MIR2052HG: variants seen among roughly 807,000 people sequenced by gnomAD.
The protein encoded by MIR2052HG is MIR2052 host gene.
intron 2 of MIR2052HG, among the ~76,000 whole-genome samples, chr8:74,672,117 A>C (rs1040775067): frequency 4.6e-5 from 7 of 152,150 alleles, no homozygotes; most frequent in Admixed American, 3.3e-4. Context: ...TGCTTTATCC[A>C]CATATTATTA....
chr8:74,615,958 C>A (rs897211167), intron 2 of MIR2052HG, among the ~76,000 whole-genome samples: 3 of 152,154 alleles, frequency 2.0e-5, no homozygotes, highest in Non-Finnish European at 4.4e-5. Flanking sequence ...TTTTTTATGG[C>A]TGCATAGTAT....
At chr8:74,691,147 A>G (rs11987450) in intron 2 of MIR2052HG, among the ~76,000 whole-genome samples, 2,549 of 152,334 alleles carry the variant, frequency 0.017, 75 homozygotes, top group African/African-American at 0.059. Context: ...CAAAAGAAGC[A>G]GTTAATTCTG....
intron 2 of MIR2052HG, among the ~76,000 whole-genome samples, chr8:74,699,105 A>C (rs923534390): frequency 3.9e-5 from 6 of 151,966 alleles, no homozygotes; most frequent in African/African-American, 1.4e-4. Context: ...AAAGCAAAAA[A>C]TAATAGATGT....
rs114461075 is a variant in MIR2052HG at position 74,688,591 on chromosome 8, T to C, written n.217-13788T>C. Among the ~76,000 whole-genome samples the C allele has an allele frequency of 6.0e-3, 908 of 152,352 alleles. 11 individuals are homozygous for C. Among genetic ancestry groups the C allele is most frequent in the African/African-American group, 0.02 (837 of 41,592 alleles). ...AGATGCTGCACAAATATGGACAACA[T>C]TCTGTAGCAAAGCTAAGTACACGTT... On this transcript the variant is annotated intron_variant and non_coding_transcript_variant, in intron 2 of 6. Transcript: ENST00000523442.
intron 2 of MIR2052HG, among the ~76,000 whole-genome samples, chr8:74,693,135 T>A (rs1412480113): frequency 2.0e-5 from 3 of 152,332 alleles, no homozygotes; most frequent in African/African-American, 7.2e-5. Context: ...AACTCAATGT[T>A]TCTATGTTTT....
chr8:74,624,448 C>T (rs1198456496), intron 2 of MIR2052HG, among the ~76,000 whole-genome samples: 1 of 152,182 alleles, frequency 6.6e-6, no homozygotes, highest in African/African-American at 2.4e-5. Context: ...TGAAATGAAG[C>T]ATTTGCTTAT....
chr8:74,648,995 T>G (rs1017047936), intron 2 of MIR2052HG, among the ~76,000 whole-genome samples: 4 of 151,958 alleles, frequency 2.6e-5, no homozygotes, highest in Admixed American at 2.0e-4. Flanking sequence ...CATCTGGATC[T>G]CTGAAATTGT....
chr8:74,745,785 C>T (rs2128756191), intron 4 of MIR2052HG, among the ~76,000 whole-genome samples: 1 of 152,238 alleles, frequency 6.6e-6, no homozygotes. Flanking sequence ...CAGCAAACAT[C>T]CGTGGGTACA....
At chr8:74,608,359 G>T (rs1808143216) in intron 1 of MIR2052HG, among the ~76,000 whole-genome samples, 2 of 152,138 alleles carry the variant, frequency 1.3e-5, no homozygotes, top group Admixed American at 6.5e-5. Flanking sequence ...TTTTTAAATT[G>T]TAACTCTTTT....
At chr8:74,621,929 C>A (rs775288763) in intron 2 of MIR2052HG, among the ~76,000 whole-genome samples, 30 of 152,172 alleles carry the variant, frequency 2.0e-4, no homozygotes, top group South Asian at 8.3e-4. Flanking sequence ...AAATGTAAGG[C>A]CTGTAACTAT....
intron 4 of MIR2052HG, among the ~76,000 whole-genome samples, chr8:74,713,315 C>G (rs1809488670): frequency 1.3e-5 from 2 of 152,128 alleles, no homozygotes; most frequent in African/African-American, 4.8e-5. Context: ...TGGCCCCTTC[C>G]ACTCTTATCC....
At chr8:74,684,115 A>G (rs1368390147) in intron 2 of MIR2052HG, among the ~76,000 whole-genome samples, 3 of 152,132 alleles carry the variant, frequency 2.0e-5, no homozygotes, top group Admixed American at 2.0e-4. Flanking sequence ...TCCTTGAGCT[A>G]TGTAAGCAGT....
intron 2 of MIR2052HG, among the ~76,000 whole-genome samples, chr8:74,675,929 T>G (rs1196119929): frequency 6.6e-6 from 1 of 152,016 alleles, no homozygotes; most frequent in East Asian, 1.9e-4. Context: ...AATGTATTAA[T>G]TTGTTAATTA....
chr8:74,658,635 G>A (rs1226026531), intron 2 of MIR2052HG, among the ~76,000 whole-genome samples: 2 of 152,042 alleles, frequency 1.3e-5, no homozygotes, highest in African/African-American at 2.4e-5. Flanking sequence ...ATCTGCCCAC[G>A]TCAGCTTCCC....
chr8:74,693,748 G>A (rs1055580874), intron 2 of MIR2052HG, among the ~76,000 whole-genome samples: 3 of 151,874 alleles, frequency 2.0e-5, no homozygotes, highest in African/African-American at 7.3e-5. Flanking sequence ...TAATCCCCCT[G>A]AAAACATAAC....
intron 2 of MIR2052HG, among the ~76,000 whole-genome samples, chr8:74,665,688 T>A (rs1426173029): frequency 2.6e-5 from 4 of 152,192 alleles, no homozygotes; most frequent in Non-Finnish European, 5.9e-5. Flanking sequence ...ACTTCTATTA[T>A]AATACTTCAG....
chr8:74,696,223 G>A (rs73339245), intron 2 of MIR2052HG, among the ~76,000 whole-genome samples: 74 of 151,992 alleles, frequency 4.9e-4, no homozygotes, highest in African/African-American at 1.3e-3. Context: ...CTGAATAATC[G>A]TTGGATCAAT....
At chr8:74,663,025 AT>A (rs1336105808) in intron 2 of MIR2052HG, among the ~76,000 whole-genome samples, 1 of 152,172 alleles carries the variant, frequency 6.6e-6, no homozygotes, top group Non-Finnish European at 1.5e-5. Context: ...ATAACACAAA[AT>A]TGCATCTTAT....
chr8:74,734,472 T>C (rs1487626212), intron 4 of MIR2052HG, among the ~76,000 whole-genome samples: 1 of 152,172 alleles, frequency 6.6e-6, no homozygotes, highest in Non-Finnish European at 1.5e-5. Context: ...TTCTGAGATA[T>C]CCAAGATCAG....
Sources: allele counts gnomAD v4.1 joint callset (sites outside exome capture counted in the v4.1 genomes callset), GRCh38; gene constraint gnomAD v4.1.1; transcripts MANE v1.5; gene names NCBI Gene and HGNC (gene_info 2026-07-23, HGNC 2026-07-21).